Variants in GPC6 observed in about 807,000 individuals in gnomAD.
The protein encoded by GPC6 is glypican-6.
A neutral mutation model predicts 55.2 loss-of-function variants in GPC6; 14 were observed. The ratio of observed to expected loss-of-function variants is 0.25; its 90% CI spans 0.17 to 0.40. The LOEUF (loss-of-function observed/expected upper bound fraction) is 0.40. GPC6 is among the 10% of genes least tolerant of loss of function. The probability of loss-of-function intolerance (pLI) is 1.00; values close to 1 mark genes in which losing one functional copy is unlikely to be tolerated. For synonymous variants in GPC6, 278 were observed against 259.6 expected (o/e 1.07, Z -0.68); for missense variants, 641 against 708.5 (o/e 0.90, Z 1.08).
chr13:93,339,377 T>TTAA (rs755002038), intron 1 of GPC6, among the ~76,000 whole-genome samples: 1 of 137,532 alleles, frequency 7.3e-6, no homozygotes, highest in African/African-American at 2.7e-5. Context: ...CATCATCTAT[T>TTAA]AAAAAAAAAA....
chr13:94,239,170 C>T (rs1250639988), intron 4 of GPC6, among the ~76,000 whole-genome samples: 1 of 151,908 alleles, frequency 6.6e-6, no homozygotes, highest in Non-Finnish European at 1.5e-5. Flanking sequence ...CTACCTGTTT[C>T]CTCATTTAGG....
intron 2 of GPC6, among the ~76,000 whole-genome samples, chr13:93,744,432 C>T (rs1228883214): frequency 6.6e-6 from 1 of 150,860 alleles, no homozygotes; most frequent in Non-Finnish European, 1.5e-5. Context: ...CCCAGGAAAT[C>T]AAGTGGACTT....
chr13:94,166,580 A>G (rs1308412026), intron 4 of GPC6, among the ~76,000 whole-genome samples: 1 of 152,174 alleles, frequency 6.6e-6, no homozygotes, highest in Non-Finnish European at 1.5e-5. Flanking sequence ...TAAAAATTGA[A>G]CATAGAGATT....
intron 6 of GPC6, among the ~76,000 whole-genome samples, chr13:94,361,167 A>G (rs1302039486): frequency 1.3e-5 from 2 of 152,210 alleles, no homozygotes; most frequent in Non-Finnish European, 2.9e-5. Context: ...TCCAATAGGT[A>G]TGGTAGCCAT....
At chr13:94,093,549 T>A (rs959906196) in intron 4 of GPC6, among the ~76,000 whole-genome samples, 1 of 152,106 alleles carries the variant, frequency 6.6e-6, no homozygotes, top group Non-Finnish European at 1.5e-5. Flanking sequence ...TGCCTCCAGC[T>A]TTGTTCTTGC....
intron 2 of GPC6, among the ~76,000 whole-genome samples, chr13:93,569,549 G>A (rs904103162): frequency 2.6e-5 from 4 of 150,992 alleles, no homozygotes; most frequent in African/African-American, 9.8e-5. Context: ...GCAAGAGTAG[G>A]CAACCACCAG....
intron 4 of GPC6, among the ~76,000 whole-genome samples, chr13:94,087,191 T>A (rs1206263128): frequency 6.6e-6 from 1 of 152,218 alleles, no homozygotes; most frequent in Non-Finnish European, 1.5e-5. Flanking sequence ...GGAAAGCCGA[T>A]GAATGAGCAG....
intron 1 of GPC6, among the ~76,000 whole-genome samples, chr13:93,448,193 A>G (rs1283618866): frequency 1.3e-5 from 2 of 152,210 alleles, no homozygotes; most frequent in Admixed American, 6.5e-5. Context: ...AGGATGAACC[A>G]CATATGTGAT....
chr13:94,397,894 G>A (rs932108704), intron 7 of GPC6, among the ~76,000 whole-genome samples: 10 of 152,098 alleles, frequency 6.6e-5, no homozygotes, highest in African/African-American at 2.4e-4. Flanking sequence ...GGAACTGGTG[G>A]GAGGTAATTG....
intron 4 of GPC6, among the ~76,000 whole-genome samples, chr13:94,212,490 C>A (rs1445583119): frequency 1.3e-5 from 2 of 152,120 alleles, no homozygotes; most frequent in Admixed American, 6.5e-5. Context: ...CCCAACTGTT[C>A]TAGGCATTAC....
At chr13:93,930,711 A>G (rs1010510317) in intron 3 of GPC6, among the ~76,000 whole-genome samples, 1 of 152,174 alleles carries the variant, frequency 6.6e-6, no homozygotes, top group Non-Finnish European at 1.5e-5. Flanking sequence ...CTGGGAAGAA[A>G]TGACAAAAGT....
chr13:93,219,091 T>G, the GPC6 span, among the ~76,000 whole-genome samples: 29,321 of 140,088 alleles, frequency 0.21, 2,552 homozygotes, highest in African/African-American at 0.25. Flanking sequence ...TTCTTTCCTA[T>G]TTTTTTTTTT....
intron 4 of GPC6, among the ~76,000 whole-genome samples, chr13:94,048,481 C>T (rs1726791310): frequency 6.6e-6 from 1 of 151,860 alleles, no homozygotes; most frequent in African/African-American, 2.4e-5. Flanking sequence ...TGAGGATGAG[C>T]AGTGGGCGCC....
chr13:94,339,605 G>T (rs1046093731), intron 6 of GPC6, among the ~76,000 whole-genome samples: 1 of 152,112 alleles, frequency 6.6e-6, no homozygotes, highest in African/African-American at 2.4e-5. Flanking sequence ...GGTGGAAGGG[G>T]GATGATCTTT....
chr13:93,753,058 A>T (rs1884651945), intron 2 of GPC6, among the ~76,000 whole-genome samples: 1 of 152,124 alleles, frequency 6.6e-6, no homozygotes, highest in South Asian at 2.1e-4. Context: ...CTGAGTAGGG[A>T]TATTAAGAGG....
At chr13:93,281,003 G>C (rs1877932073) in intron 1 of GPC6, among the ~76,000 whole-genome samples, 1 of 152,118 alleles carries the variant, frequency 6.6e-6, no homozygotes, top group African/African-American at 2.4e-5. Context: ...GACTGGTGCT[G>C]GTCTGAGGTC....
At chr13:93,618,993 T>C (rs1878840497) in intron 2 of GPC6, among the ~76,000 whole-genome samples, 1 of 152,168 alleles carries the variant, frequency 6.6e-6, no homozygotes, top group African/African-American at 2.4e-5. Flanking sequence ...TTGTACAGCA[T>C]GTTACTGTAC....
intron 2 of GPC6, among the ~76,000 whole-genome samples, chr13:93,665,574 GAGAC>G (rs1271101959): frequency 3.3e-5 from 5 of 152,146 alleles, no homozygotes; most frequent in African/African-American, 7.2e-5. Context: ...ATAATGAAAA[GAGAC>G]AGAAAGAGTT....
chr13:94,211,434 T>C (rs779027486), intron 4 of GPC6, among the ~76,000 whole-genome samples: 27 of 152,200 alleles, frequency 1.8e-4, no homozygotes, highest in Non-Finnish European at 2.8e-4. Context: ...GCATTTACCT[T>C]TTGTCTCATA....
Sources: allele counts gnomAD v4.1 joint callset (sites outside exome capture counted in the v4.1 genomes callset), GRCh38; gene constraint gnomAD v4.1.1; transcripts MANE v1.5; gene names NCBI Gene and HGNC (gene_info 2026-07-23, HGNC 2026-07-21).